IL21R: variants seen among roughly 807,000 people sequenced by gnomAD.
IL21R encodes the protein interleukin-21 receptor.
In IL21R, 14 loss-of-function variants were observed where a neutral mutation model predicts 41.3. The ratio of observed to expected loss-of-function variants is 0.34; its 90% CI spans 0.22 to 0.53. The LOEUF is 0.53. Among genes scored for constraint, IL21R ranks in the 20% least tolerant of loss-of-function variants. The probability of loss-of-function intolerance (pLI) is 0.94; values close to 1 mark genes in which losing one functional copy is unlikely to be tolerated. For synonymous variants in IL21R, 286 were observed against 287.6 expected (o/e 0.99, Z 0.05); for missense variants, 588 against 681.6 (o/e 0.86, Z 1.53).
chr16:27,416,239 C>A (rs932529998), intron 1 of IL21R, among the ~76,000 whole-genome samples: 1 of 152,140 alleles, frequency 6.6e-6, no homozygotes, highest in Admixed American at 6.5e-5. Flanking sequence ...CGGATTCAAG[C>A]GATTCTCCTG....
intron 7 of IL21R, 38 bp downstream of exon 7, chr16:27,445,314 G>T: frequency 1.4e-6 from 2 of 1,384,940 alleles, no homozygotes; most frequent in South Asian, 1.2e-5. Flanking sequence ...GAGGTGGTCA[G>T]CCTGGGCCAC....
rs1336550369 is a variant in IL21R at position 27,437,694 on chromosome 16, A to C, written c.352+7A>C. 6.2e-7 allele frequency: 1 copy of C among 1,612,406 alleles called. No individual in the cohort carries two copies. The highest frequency in any genetic ancestry group is 8.5e-7 in the Non-Finnish European group (1 of 1,178,766). On this transcript the variant is annotated splice_region_variant and intron_variant, in intron 4 of 8. Coordinates refer to ENST00000337929, the MANE Select transcript of IL21R (RefSeq NM_181078.3). ...TTTCTCCTGGCTGAGAGCAGTGAGT[A>C]TCCTGGGACCCCAGGCTTAGGGTGG...
At chr16:27,411,790 G>A (rs1223950933) in intron 1 of IL21R, among the ~76,000 whole-genome samples, 1 of 152,004 alleles carries the variant, frequency 6.6e-6, no homozygotes, top group African/African-American at 2.4e-5. Flanking sequence ...ATTTGTTTTT[G>A]TGTTGTTATT....
chr16:27,441,847 A>G (rs747015478), intron 4 of IL21R, among the ~76,000 whole-genome samples: 4 of 152,082 alleles, frequency 2.6e-5, no homozygotes, highest in Non-Finnish European at 5.9e-5. Flanking sequence ...CCATTTCTAC[A>G]AAACAGACAA....
At chr16:27,431,977 C>G (rs1043252306) in intron 2 of IL21R, among the ~76,000 whole-genome samples, 1 of 152,190 alleles carries the variant, frequency 6.6e-6, no homozygotes. Flanking sequence ...GCACCACCCC[C>G]AGAGGGGACA....
At chr16:27,428,961 T>G (rs2141282065) in intron 1 of IL21R, among the ~76,000 whole-genome samples, 1 of 152,354 alleles carries the variant, frequency 6.6e-6, no homozygotes, top group South Asian at 2.1e-4. Flanking sequence ...CAGTGGCTCA[T>G]GCCTGTAATT....
rs577149386 is a variant in IL21R at position 27,417,163 on chromosome 16, C to CTTTTTTTTTTTTTTTTTTT, written c.-16-12877_-16-12876insTTTTTTTTTTTTTTTTTTT. Among the ~76,000 whole-genome samples, 3 of 126,624 alleles carry CTTTTTTTTTTTTTTTTTTT rather than the reference C, an allele frequency of 2.4e-5. 1 individual carries two copies. The highest frequency in any genetic ancestry group is 4.8e-5 in the Non-Finnish European group (3 of 62,406). The allele number at this position is 126,624 out of a possible 152,430, so 83.1% of individuals were successfully genotyped here. ...TTCCTTTTTCTTTCTTTTTTCTTTTCTTTTTTTTTTTTTTTTGAGACAGGG... is the reference window on the plus strand; with the variant it reads ...TTCCTTTTTCTTTCTTTTTTCTTTTCTTTTTTTTTTTTTTTTTTTTTTTTTTTTTTTTTTTGAGACAGGG... On this transcript the variant is annotated intron_variant, in intron 1 of 8. Coordinates refer to ENST00000337929, the MANE Select transcript of IL21R (RefSeq NM_181078.3).
intron 5 of IL21R, 146 bp from the exon 6 acceptor site, chr16:27,444,396 C>A (rs921643545): frequency 1.8e-5 from 9 of 500,496 alleles, no homozygotes; most frequent in Non-Finnish European, 2.7e-5. Context: ...CTGAGTCCAG[C>A]TACTCAGGCA....
chr16:27,429,092 C>A, intron 1 of IL21R, among the ~76,000 whole-genome samples: 2 of 152,122 alleles, frequency 1.3e-5, no homozygotes, highest in South Asian at 4.2e-4. Context: ...GGCGTGGTGG[C>A]GGCCACCTGT....
At position 27,434,417 on chromosome 16, in the gene IL21R, G is replaced by C. The variant is rs2087229591; in HGVS notation, c.120G>C (p.Trp40Cys). 4 of 1,613,860 alleles carry C rather than the reference G, an allele frequency of 2.5e-6. No homozygotes were observed. The highest frequency in any genetic ancestry group is 3.4e-6 in the Non-Finnish European group (4 of 1,179,852). ...CGGTCATCTGCATCCTGGAAATGTG[G>C]AACCTCCACCCCAGCACGCTCACCC... ...LQTVICILEM[W>C]NLHPSTLTLT... Residue 40 changes from tryptophan (W) to cysteine (C), a missense_variant, in exon 3 of 9, where the codon TGG becomes TGC. Coordinates refer to ENST00000337929, the MANE Select transcript of IL21R (RefSeq NM_181078.3).
chr16:27,440,460 C>T (rs2087369728), intron 4 of IL21R, among the ~76,000 whole-genome samples: 1 of 151,824 alleles, frequency 6.6e-6, no homozygotes, highest in African/African-American at 2.4e-5. Context: ...TTTTGTAGAG[C>T]TGGGATCTTG....
In IL21R at chr16:27,449,744, G is replaced by A. The variant is rs533273973; in HGVS notation, c.*461G>A. On this transcript the variant is annotated 3_prime_UTR_variant, in exon 9 of 9. Coordinates refer to ENST00000337929, the MANE Select transcript of IL21R (RefSeq NM_181078.3). ...TCAGGGCATTGCCTGTGACTGAGGC[G>A]GAGCCCAGCCCTCCAGCGTCTGCCT... The A allele has an allele frequency of 2.4e-4, 59 of 243,420 alleles. No individual in the cohort carries two copies. The Admixed American group carries it at 2.7e-3, about 11-fold the overall frequency. The allele number at this position is 243,420 out of a possible 1,614,324, so 15.1% of individuals were successfully genotyped here. A position where few individuals can be genotyped will look rare whatever the true frequency, so the allele number is the denominator to read the frequency against.
Position 27,449,153 on chromosome 16 carries a change from G to C in IL21R, c.1487G>C (p.Gly496Ala), listed in dbSNP as rs780769847. 2 of 1,613,120 alleles carry C rather than the reference G, an allele frequency of 1.2e-6. No individual in the cohort carries two copies. The highest frequency in any genetic ancestry group is 1.7e-6 in the Non-Finnish European group (2 of 1,180,022). Residue 496 changes from glycine to alanine, a missense_variant, in exon 9 of 9, where the codon GGC becomes GCC. Coordinates refer to ENST00000337929, the MANE Select transcript of IL21R (RefSeq NM_181078.3). ...GACACGTTTGACAGTGGCTTTGTGG[G>C]CTCTGACTGCAGCAGCCCTGTGGAG... The part of the protein sequence containing the change: ...DMDTFDSGFV[G>A]SDCSSPVECD...
chr16:27,443,045 G>T lies in IL21R; in HGVS notation c.436G>T (p.Ala146Ser), dbSNP rs771092403. Reference protein sequence around the residue: ...ISWRSDYEDPAFYMLKGKLQY... With the variant: ...ISWRSDYEDPSFYMLKGKLQY... ...CTGGCGCTCAGATTACGAAGACCCTGCCTTCTACATGCTGAAGGGCAAGCT... is the reference window on the plus strand; with the variant it reads ...CTGGCGCTCAGATTACGAAGACCCTTCCTTCTACATGCTGAAGGGCAAGCT... The change falls in exon 5 of 9, where the codon GCC (alanine) becomes TCC (serine). Residue 146 changes from alanine to serine, a missense_variant. Ala to Ser is a moderately conservative substitution (Grantham distance 99, BLOSUM62 1). Coordinates refer to ENST00000337929, the MANE Select transcript of IL21R (RefSeq NM_181078.3). 1.2e-6 allele frequency: 2 copies of T among 1,614,034 alleles called. No homozygotes were observed. The highest frequency in any genetic ancestry group is 2.2e-5 in the East Asian group (1 of 44,872).
At chr16:27,418,315 G>A (rs146480839) in intron 1 of IL21R, among the ~76,000 whole-genome samples, 2 of 151,696 alleles carry the variant, frequency 1.3e-5, no homozygotes, top group African/African-American at 2.4e-5. Context: ...TGATCTGCCC[G>A]TCTCGCCCTT....
At chr16:27,448,496 C>T in intron 8 of IL21R, 38 bp from the exon 9 acceptor site, 1 of 1,548,104 alleles carries the variant, frequency 6.5e-7, no homozygotes, top group Non-Finnish European at 8.7e-7. Context: ...ACCTTACCCT[C>T]ATCCTGTGCT....
intron 1 of IL21R, chr16:27,403,253 G>A (rs1164094449): frequency 3.0e-6 from 4 of 1,325,300 alleles, no homozygotes; most frequent in Middle Eastern, 2.0e-4. Context: ...TGTGCATGTG[G>A]AGGAGAGGAG....
In IL21R at chr16:27,403,181, G is replaced by A. The variant is rs117535117; in HGVS notation, c.-17+563G>A. 14,169 of 1,338,990 alleles carry A rather than the reference G, an allele frequency of 0.011. 99 individuals are homozygous for A. Among genetic ancestry groups the A allele is most frequent in the Non-Finnish European group, 0.012 (12,508 of 1,016,042 alleles). The allele number at this position is 1,338,990 out of a possible 1,614,324, so 82.9% of individuals were successfully genotyped here. A position where few individuals can be genotyped will look rare whatever the true frequency, so the allele number is the denominator to read the frequency against. On this transcript the variant is annotated intron_variant, in intron 1 of 8. Coordinates refer to ENST00000337929, the MANE Select transcript of IL21R (RefSeq NM_181078.3). ...AAGCCAGGTGACCCCATGAGCTGTCGCTGCATCTTTCTCATGAAGCACGGG... is the reference window on the plus strand; with the variant it reads ...AAGCCAGGTGACCCCATGAGCTGTCACTGCATCTTTCTCATGAAGCACGGG...
intron 8 of IL21R, among the ~76,000 whole-genome samples, chr16:27,447,192 T>G (rs3093407): frequency 1.1e-4 from 17 of 152,108 alleles, no homozygotes; most frequent in Non-Finnish European, 2.2e-4. Context: ...AATATCACAT[T>G]GATTTTGGGT....
Sources: allele counts gnomAD v4.1 joint callset (sites outside exome capture counted in the v4.1 genomes callset), GRCh38; gene constraint gnomAD v4.1.1; transcripts MANE v1.5; gene names NCBI Gene and HGNC (gene_info 2026-07-23, HGNC 2026-07-21).